PRTG: variants seen among roughly 807,000 people sequenced by gnomAD.
The protein encoded by PRTG is immunoglobulin superfamily, DCC subclass, member 5.
In PRTG, 67 loss-of-function variants were observed where a neutral mutation model predicts 122.5. That is an observed-to-expected ratio of 0.55 (90% CI 0.45 to 0.67). PRTG has a LOEUF of 0.67. Ranked by LOEUF, PRTG falls within the 30% of genes least tolerant of loss-of-function variation. The pLI is 0.00. For synonymous variants in PRTG, 554 were observed against 501.1 expected (o/e 1.11, Z -1.41); for missense variants, 1,435 against 1,415.4 (o/e 1.01, Z -0.22).
At chr15:55,643,547 C>T (rs1012662585) in intron 11 of PRTG, among the ~76,000 whole-genome samples, 2 of 151,992 alleles carry the variant, frequency 1.3e-5, no homozygotes, top group African/African-American at 4.8e-5. Context: ...GATCTTCCCA[C>T]CTCAGCCTCT....
chr15:55,647,981 G>A (rs891218753), intron 11 of PRTG, among the ~76,000 whole-genome samples: 51 of 152,272 alleles, frequency 3.3e-4, no homozygotes, highest in African/African-American at 1.2e-3. Context: ...AAGAATGCTT[G>A]CTGCTTTGGC....
At chr15:55,674,314 C>T (rs978096272) in intron 9 of PRTG, among the ~76,000 whole-genome samples, 1 of 152,112 alleles carries the variant, frequency 6.6e-6, no homozygotes, top group African/African-American at 2.4e-5. Context: ...ACCAAATTAA[C>T]CTCTCTTACC....
chr15:55,620,318 C>A (rs370298384), intron 19 of PRTG, 52 bp from the exon 20 acceptor site: 5 of 1,587,046 alleles, frequency 3.2e-6, no homozygotes, highest in Admixed American at 3.5e-5. Context: ...ATCGAATCCA[C>A]GAGCAAAAGC....
At chr15:55,731,202 T>C (rs1303760690) in intron 2 of PRTG, among the ~76,000 whole-genome samples, 1 of 151,650 alleles carries the variant, frequency 6.6e-6, no homozygotes, top group Non-Finnish European at 1.5e-5. Flanking sequence ...ATTGTTAGCT[T>C]CTTTAATTCT....
At position 55,637,313 on chromosome 15, in the gene PRTG, T is replaced by A; in HGVS notation, c.2480A>T (p.Lys827Ile). ...AGTGTCATCCTCTATTAATGTCACT[T>A]TTACTCCAACTGGTGGGCCTGCTGG... ...EAPAGPPVGV[K>I]VTLIEDDTAL... The change falls in exon 15 of 20, where the codon AAA becomes ATA. Residue 827 changes from lysine to isoleucine, a missense_variant. By Grantham distance (102) the Lys-to-Ile change is moderately radical. Transcript: ENST00000389286. The A allele has an allele frequency of 1.2e-6, 2 of 1,613,090 alleles. No homozygotes were observed. The highest frequency in any genetic ancestry group is 1.7e-6 in the Non-Finnish European group (2 of 1,179,702).
At position 55,675,653 on chromosome 15, in the gene PRTG, A is replaced by G. The variant is rs1224559726; in HGVS notation, c.1412T>C (p.Ile471Thr). 5.0e-6 allele frequency: 8 copies of G among 1,587,612 alleles called. No homozygotes were observed. Among genetic ancestry groups the G allele is most frequent in the Non-Finnish European group, 8.6e-7 (1 of 1,156,552 alleles). The change falls in exon 9 of 20, where the codon ATC (isoleucine) becomes ACC (threonine). Residue 471 changes from isoleucine to threonine, a missense_variant. Transcript: ENST00000389286. ...AATATAATGAGTTGTGTCATTTCCG[A>G]TGACTACTTGATACTCTTCATTATT... The part of the protein sequence containing the change: ...GLNNEEYQVV[I>T]GNDTTHYIID...
At chr15:55,643,171 T>G (rs1329665782) in intron 11 of PRTG, among the ~76,000 whole-genome samples, 1 of 152,190 alleles carries the variant, frequency 6.6e-6, no homozygotes, top group Non-Finnish European at 1.5e-5. Flanking sequence ...AACTGATATT[T>G]TCTAATATTT....
At chr15:55,629,140 A>C (rs1358234886) in intron 15 of PRTG, 136 bp from the exon 16 acceptor site, 1 of 535,098 alleles carries the variant, frequency 1.9e-6, no homozygotes, top group Non-Finnish European at 3.1e-6. Flanking sequence ...ACATTTAGAA[A>C]ATAAAAATAT....
At chr15:55,635,328 G>A (rs2141727827) in intron 15 of PRTG, among the ~76,000 whole-genome samples, 1 of 152,180 alleles carries the variant, frequency 6.6e-6, no homozygotes, top group Non-Finnish European at 1.5e-5. Context: ...CTGACCTCGT[G>A]ATCCGTCTGC....
intron 11 of PRTG, among the ~76,000 whole-genome samples, chr15:55,657,293 T>C (rs2141765059): frequency 6.6e-6 from 1 of 152,296 alleles, no homozygotes; most frequent in African/African-American, 2.4e-5. Flanking sequence ...TGCCATGATT[T>C]TTCTTCTGAG....
chr15:55,668,217 G>T (rs1429250801), intron 11 of PRTG, among the ~76,000 whole-genome samples: 1 of 152,058 alleles, frequency 6.6e-6, no homozygotes, highest in Non-Finnish European at 1.5e-5. Flanking sequence ...CAAGCTCTTT[G>T]GCAAAATAAA....
intron 2 of PRTG, among the ~76,000 whole-genome samples, chr15:55,692,628 A>G (rs901813380): frequency 1.3e-5 from 2 of 152,228 alleles, no homozygotes; most frequent in East Asian, 3.9e-4. Context: ...AATAACAGAA[A>G]CAACTTAAAA....
Position 55,743,107 on chromosome 15 carries a change from C to T in PRTG, c.-176G>A. 1 of 1,277,066 alleles carries T rather than the reference C, an allele frequency of 7.8e-7. No individual in the cohort carries two copies. The highest frequency in any genetic ancestry group is 1.6e-5 in the African/African-American group (1 of 64,070). The allele number at this position is 1,277,066 out of a possible 1,614,324, so 79.1% of individuals were successfully genotyped here. On this transcript the variant is annotated 5_prime_UTR_variant, in exon 1 of 20. Coordinates refer to ENST00000389286, the MANE Select transcript of PRTG (RefSeq NM_173814.6). Reference sequence around the variant, plus strand: ...GCGGCGAGGCTGGTGCTCGGACGGCCGCTCGCGAGAAGCAAGGGGCCTGAG... The same window carrying T: ...GCGGCGAGGCTGGTGCTCGGACGGCTGCTCGCGAGAAGCAAGGGGCCTGAG...
At chr15:55,738,023 TATACACACACACAC>T (rs1401480538) in intron 2 of PRTG, among the ~76,000 whole-genome samples, 4 of 96,198 alleles carry the variant, frequency 4.2e-5, no homozygotes, top group Admixed American at 2.7e-4. Flanking sequence ...TATATATATA[TATACACACACACAC>T]ACACACACAC....
At chr15:55,677,095 A>G (rs1482398863) in intron 8 of PRTG, among the ~76,000 whole-genome samples, 2 of 152,186 alleles carry the variant, frequency 1.3e-5, no homozygotes, top group Non-Finnish European at 2.9e-5. Flanking sequence ...AAAAAGCAAG[A>G]GAGAAATTTC....
At chr15:55,691,512 C>T (rs1421142031) in intron 2 of PRTG, among the ~76,000 whole-genome samples, 2 of 151,300 alleles carry the variant, frequency 1.3e-5, no homozygotes, top group Admixed American at 6.6e-5. Context: ...GAAACCCTGT[C>T]TCCACTAAAA....
intron 15 of PRTG, among the ~76,000 whole-genome samples, chr15:55,633,659 T>A (rs1176920919): frequency 1.3e-5 from 2 of 152,236 alleles, no homozygotes; most frequent in African/African-American, 4.8e-5. Flanking sequence ...GCCATAATTA[T>A]ACATAAAAGA....
intron 2 of PRTG, among the ~76,000 whole-genome samples, chr15:55,708,533 G>A (rs149144826): frequency 4.8e-3 from 719 of 150,656 alleles, no homozygotes; most frequent in African/African-American, 0.017. Flanking sequence ...GCTTGAACCC[G>A]GGAGGCAGAG....
At chr15:55,620,620 A>G (rs373441313) in intron 19 of PRTG, 43 bp downstream of exon 19, 1,186 of 1,552,652 alleles carry the variant, frequency 7.6e-4, no homozygotes, top group Non-Finnish European at 9.8e-4. Context: ...ATCATTTCAT[A>G]TATCACGCAT....
Sources: gnomAD v4.1 joint callset for allele counts (sites outside exome capture counted in the v4.1 genomes callset) on GRCh38, gnomAD v4.1.1 for gene constraint, MANE v1.5 for transcripts, NCBI Gene and HGNC (gene_info 2026-07-23, HGNC 2026-07-21) for gene names.